The following GP6 variants were observed in gnomAD, a reference collection of about 807,000 sequenced individuals.
GP6 encodes the protein platelet glycoprotein VI.
Under a neutral mutation model 37.3 loss-of-function variants are expected in GP6, and 45 were observed. That is an observed-to-expected ratio of 1.21 (90% CI 0.95 to 1.55). GP6 has a LOEUF of 1.55. Among genes scored for constraint, GP6 ranks in the 40% most tolerant of loss-of-function variants. The pLI is 0.00. For synonymous variants in GP6, 340 were observed against 316.4 expected (o/e 1.07, Z -0.79); for missense variants, 813 against 760.2 (o/e 1.07, Z -0.82).
At position 55,038,232 on chromosome 19, in the gene GP6, G is replaced by A. The variant is rs1192859258; in HGVS notation, c.5C>T (p.Ser2Phe). ...ACAGAAGAGGGCGGTCGGGGATGGAGACATGGTTCCTCAGCCCTGTCCTGA... is the reference window on the plus strand; with the variant it reads ...ACAGAAGAGGGCGGTCGGGGATGGAAACATGGTTCCTCAGCCCTGTCCTGA... The change falls in exon 1 of 8, where the codon TCT becomes TTT. Residue 2 changes from serine to phenylalanine, a missense_variant. Ser to Phe is a radical substitution (Grantham distance 155). Transcript: ENST00000310373. The A allele has an allele frequency of 1.9e-6, 3 of 1,589,874 alleles. No homozygotes were observed. The South Asian group carries it at 3.4e-5, about 18-fold the overall frequency.
intron 1 of GP6, 62 bp from the exon 2 acceptor site, chr19:55,032,600 G>T (rs1009363998): frequency 1.3e-6 from 2 of 1,563,438 alleles, no homozygotes; most frequent in African/African-American, 1.4e-5. Context: ...CCTGCCTGCT[G>T]GGCGCGGTGA....
Position 55,018,550 on chromosome 19 carries a change from C to G in GP6, c.724+102G>C. The G allele has an allele frequency of 8.7e-6, 7 of 806,066 alleles. No individual in the cohort carries two copies. The South Asian group carries it at 9.3e-5, about 11-fold the overall frequency. The allele number at this position is 806,066 out of a possible 1,614,324, so 49.9% of individuals were successfully genotyped here. ...AAGGACTTTCTTGGTAAGAGACGGA[C>G]AGTTCGGTGAAGTGATTAAAAGCCT... On this transcript the variant is annotated intron_variant, in intron 6 of 7. Transcript: ENST00000310373.
chr19:55,017,119 A>ATTT lies in GP6; in HGVS notation c.725-1389_725-1387dup, dbSNP rs11433534. On this transcript the variant is annotated intron_variant, in intron 6 of 7. Transcript: ENST00000310373. ...TTGCAGGAGACCAAAAAGTAAAGCG[A>ATTT]TTTTTTTTTTTTTTTAATACGGAGT... is the stretch of plus-strand genomic sequence containing the variant. Among the ~76,000 whole-genome samples, 17 of 144,600 alleles carry ATTT rather than the reference A, an allele frequency of 1.2e-4. No individual in the cohort carries two copies. The East Asian group carries it at 1.9e-3, about 16-fold the overall frequency. The allele number at this position is 144,600 out of a possible 152,430, so 94.9% of individuals were successfully genotyped here.
At chr19:55,018,853 A>G (rs1222790797) in intron 5 of GP6, 142 bp from the exon 6 acceptor site, 6 of 725,476 alleles carry the variant, frequency 8.3e-6, no homozygotes, top group Non-Finnish European at 1.5e-5. Flanking sequence ...GACAAATTCG[A>G]AAGGTGTAAG....
chr19:55,014,495 GAC>G lies in GP6; in HGVS notation c.1448_1449del (p.Cys483SerfsTer40), dbSNP rs1200649066. ...GGGTGAGAGTTTCTGGGGAAAACCA[GAC>G]AAGAGCACAGAGGGCCAAAGGGAAG... is the stretch of plus-strand genomic sequence containing the variant. On this transcript the variant is annotated frameshift_variant, in exon 8 of 8. Coordinates refer to ENST00000310373, the MANE Select transcript of GP6 (RefSeq NM_001083899.2). LOFTEE classifies it low-confidence loss of function (END_TRUNC). The G allele has an allele frequency of 1.9e-6, 3 of 1,614,010 alleles. No homozygotes were observed. The African/African-American group carries it at 4.0e-5, about 22-fold the overall frequency.
At chr19:55,018,572 GC>G in intron 6 of GP6, 79 bp downstream of exon 6, 1 of 869,114 alleles carries the variant, frequency 1.2e-6, no homozygotes, top group South Asian at 1.3e-5. Context: ...GTGATTAAAA[GC>G]CTACAGGCTT....
intron 5 of GP6, among the ~76,000 whole-genome samples, chr19:55,023,030 A>T (rs1174292113): frequency 6.6e-6 from 1 of 152,202 alleles, no homozygotes; most frequent in Non-Finnish European, 1.5e-5. Flanking sequence ...TGGAACCAAA[A>T]AAGGGCCCAT....
Position 55,027,806 on chromosome 19 carries a change from C to G in GP6, c.382G>C (p.Gly128Arg). 1 of 1,614,112 alleles carries G rather than the reference C, an allele frequency of 6.2e-7. No individual in the cohort carries two copies. The highest frequency in any genetic ancestry group is 8.5e-7 in the Non-Finnish European group (1 of 1,179,948). Residue 128 changes from glycine to arginine, a missense_variant, in exon 4 of 8, where the codon GGG (glycine) becomes CGG (arginine). Transcript: ENST00000310373. ...GTCTGACACTGTAGGGTTACGTCCC[C>G]TCCTGACGACACCGCCGGGCCGGGC...
intron 1 of GP6, among the ~76,000 whole-genome samples, chr19:55,034,716 T>C (rs1315109801): frequency 2.0e-5 from 3 of 148,042 alleles, no homozygotes; most frequent in South Asian, 2.2e-4. Context: ...CCCTCATTCT[T>C]ACACACACAC....
intron 5 of GP6, among the ~76,000 whole-genome samples, chr19:55,024,364 ATG>A (rs1219666327): frequency 7.9e-3 from 135 of 16,994 alleles, no homozygotes; most frequent in East Asian, 0.051. Flanking sequence ...ACACACACAT[ATG>A]CACGCACACA....
At chr19:55,031,347 G>T (rs2074553798) in intron 3 of GP6, among the ~76,000 whole-genome samples, 1 of 152,202 alleles carries the variant, frequency 6.6e-6, no homozygotes, top group South Asian at 2.1e-4. Flanking sequence ...GAGGCAGGAG[G>T]ATTGCTCAAG....
At chr19:55,032,441 CTGGACCCCGCT>C in intron 2 of GP6, 45 bp from the exon 3 acceptor site, 1 of 1,612,288 alleles carries the variant, frequency 6.2e-7, no homozygotes. Context: ...CAGACCCCGC[CTGGACCCCGCT>C]GCTCCCGCGC....
chr19:55,034,150 A>ATGTGTGTGTGTGTGTGTG (rs61435060), intron 1 of GP6, among the ~76,000 whole-genome samples: 8 of 149,262 alleles, frequency 5.4e-5, no homozygotes, highest in African/African-American at 7.4e-5. Flanking sequence ...ATATGTATGC[A>ATGTGTGTGTGTGTGTGTG]TGTGTGTGTG....
intron 3 of GP6, among the ~76,000 whole-genome samples, chr19:55,030,044 T>A (rs1238274302): frequency 6.6e-6 from 1 of 152,152 alleles, no homozygotes; most frequent in African/African-American, 2.4e-5. Context: ...TTTGAAAAAA[T>A]TATTGAAAAT....
intron 6 of GP6, among the ~76,000 whole-genome samples, chr19:55,016,848 G>T (rs1040730229): frequency 2.0e-5 from 3 of 151,766 alleles, no homozygotes; most frequent in African/African-American, 7.3e-5. Flanking sequence ...CTGAGGTCAA[G>T]AGATCGAGAC....
chr19:55,035,550 C>T (rs1181584024), intron 1 of GP6, among the ~76,000 whole-genome samples: 1 of 152,074 alleles, frequency 6.6e-6, no homozygotes, highest in Non-Finnish European at 1.5e-5. Context: ...AACCCTGTCT[C>T]TACTAAAAAT....
intron 5 of GP6, among the ~76,000 whole-genome samples, chr19:55,023,018 T>C (rs1283374556): frequency 2.6e-5 from 4 of 152,118 alleles, no homozygotes; most frequent in Admixed American, 1.3e-4. Flanking sequence ...ATAAAATTCA[T>C]ATGGAACCAA....
chr19:55,015,583 C>G (rs1166090599), intron 7 of GP6, 100 bp downstream of exon 7: 1 of 790,762 alleles, frequency 1.3e-6, no homozygotes, highest in Non-Finnish European at 2.3e-6. Context: ...ACACTGGAAC[C>G]CAAGATCTGA....
rs537357993 is a variant in GP6 at position 55,015,020 on chromosome 19, C to T, written c.925G>A (p.Ala309Thr). The T allele has an allele frequency of 6.2e-7, 1 of 1,612,028 alleles. No individual in the cohort carries two copies. The highest frequency in any genetic ancestry group is 1.7e-5 in the Admixed American group (1 of 59,802). Residue 309 changes from alanine to threonine, a missense_variant, in exon 8 of 8, where the codon GCC becomes ACC. Coordinates refer to ENST00000310373, the MANE Select transcript of GP6 (RefSeq NM_001083899.2). ...GGAGGGGCGGGAGGGGCGGAAGCGGCCTCTGCACAGCCCTGCCCCTGTGCC... is the reference window on the plus strand; with the variant it reads ...GGAGGGGCGGGAGGGGCGGAAGCGGTCTCTGCACAGCCCTGCCCCTGTGCC...
Sources: gnomAD v4.1 joint callset for allele counts (sites outside exome capture counted in the v4.1 genomes callset) on GRCh38, gnomAD v4.1.1 for gene constraint, MANE v1.5 for transcripts, NCBI Gene and HGNC (gene_info 2026-07-23, HGNC 2026-07-21) for gene names.